The following REC114 variants were observed in gnomAD, a reference collection of about 807,000 sequenced individuals.
REC114 encodes the protein meiotic recombination protein REC114.
Under a neutral mutation model 31.3 loss-of-function variants are expected in REC114, and 27 were observed. That is an observed-to-expected ratio of 0.86 (90% confidence interval 0.64 to 1.19). REC114 has a LOEUF of 1.19. REC114 is among the 50% of genes most tolerant of loss of function. REC114 has a pLI of 0.00. For missense variants in REC114, 344 were observed against 326.9 expected (o/e 1.05, Z -0.40); for synonymous variants, 134 against 127.7 (o/e 1.05, Z -0.33).
At chr15:73,504,195 C>T (rs919895749) in intron 2 of REC114, among the ~76,000 whole-genome samples, 15 of 151,654 alleles carry the variant, frequency 9.9e-5, no homozygotes, top group African/African-American at 3.6e-4. Flanking sequence ...TTAGTAGAGA[C>T]GGGGTTTCAC....
At chr15:73,546,953 A>T (rs1894317765) in intron 3 of REC114, among the ~76,000 whole-genome samples, 1 of 152,156 alleles carries the variant, frequency 6.6e-6, no homozygotes, top group African/African-American at 2.4e-5. Context: ...TCAAACTATG[A>T]AAACTACTAC....
At chr15:73,481,690 ACT>A (rs1420161589) in intron 2 of REC114, among the ~76,000 whole-genome samples, 283 of 114,186 alleles carry the variant, frequency 2.5e-3, no homozygotes, top group African/African-American at 9.4e-3. Context: ...GCGGAGTCTC[ACT>A]CTGTCGCCTA....
intron 2 of REC114, among the ~76,000 whole-genome samples, chr15:73,534,019 C>G (rs1397125413): frequency 8.1e-6 from 1 of 124,148 alleles, no homozygotes; most frequent in Non-Finnish European, 1.7e-5. Flanking sequence ...ACCAGAATCT[C>G]TGGGACGCAT....
At chr15:73,506,979 G>A (rs1305967127) in intron 2 of REC114, among the ~76,000 whole-genome samples, 1 of 152,000 alleles carries the variant, frequency 6.6e-6, no homozygotes, top group East Asian at 1.9e-4. Flanking sequence ...AAATAAGATA[G>A]AAATGCTCAG....
At chr15:73,516,284 C>T (rs1353139438) in intron 2 of REC114, among the ~76,000 whole-genome samples, 11 of 152,088 alleles carry the variant, frequency 7.2e-5, no homozygotes, top group Non-Finnish European at 1.5e-4. Flanking sequence ...CCTTGCCTGG[C>T]CTCTAGCTTT....
rs537417529 is a variant in REC114, at chr15:73,516,237, C to T, written c.250-24248C>T. Among the ~76,000 whole-genome samples, 14 of 152,146 alleles carry T rather than the reference C, an allele frequency of 9.2e-5. No homozygotes were observed. In the South Asian group the frequency reaches 1.5e-3, roughly 16 times the overall value. On this transcript the variant is annotated intron_variant, in intron 2 of 5. Transcript: ENST00000331090. ...CTGACCTCAGGTGATCTGCCCGCCT[C>T]GGCCTCCCAAAGTGCTGGAATTATA...
chr15:73,559,839 C>G lies in REC114; in HGVS notation c.724C>G (p.Leu242Val), dbSNP rs1566952227. Residue 242 changes from leucine to valine, a missense_variant, in exon 6 of 6, where the codon CTT (leucine) becomes GTT (valine). Leu to Val is a conservative substitution (Grantham distance 32). Coordinates refer to ENST00000331090, the MANE Select transcript of REC114 (RefSeq NM_001042367.2). ...EELGPFLRLCLMDQNFPAFVE... is the reference protein window; with the variant it reads ...EELGPFLRLCVMDQNFPAFVE... ...GTTAGGCCCCTTCCTACGTTTGTGCCTTATGGATCAGAATTTCCCAGCATT... is the reference window on the plus strand; with the variant it reads ...GTTAGGCCCCTTCCTACGTTTGTGCGTTATGGATCAGAATTTCCCAGCATT... 1.2e-6 allele frequency: 2 copies of G among 1,612,476 alleles called. No homozygotes were observed. The highest frequency in any genetic ancestry group is 1.7e-6 in the Non-Finnish European group (2 of 1,179,354).
chr15:73,479,685 T>G (rs1329945309), intron 2 of REC114, among the ~76,000 whole-genome samples: 1 of 152,182 alleles, frequency 6.6e-6, no homozygotes, highest in Non-Finnish European at 1.5e-5. Flanking sequence ...CATGTAATTT[T>G]TGTGTGTGTC....
At chr15:73,516,446 T>G (rs944770123) in intron 2 of REC114, among the ~76,000 whole-genome samples, 1 of 151,778 alleles carries the variant, frequency 6.6e-6, no homozygotes, top group African/African-American at 2.4e-5. Flanking sequence ...CACACAGAGT[T>G]AAATGGTAAA....
In REC114 at chr15:73,501,094, A is replaced by G. The variant is rs1460571784; in HGVS notation, c.249+27173A>G. On this transcript the variant is annotated intron_variant, in intron 2 of 5. Coordinates refer to ENST00000331090, the MANE Select transcript of REC114 (RefSeq NM_001042367.2). ...GTATGTGAGAATTTAAGGCATATCC[A>G]TTAAGCCATTTTTAGTACCTAGATA... Among the ~76,000 whole-genome samples the G allele has an allele frequency of 2.0e-5, 3 of 152,222 alleles. No homozygotes were observed. The South Asian group carries it at 6.2e-4, about 31-fold the overall frequency.
chr15:73,500,353 A>C (rs1893587096), intron 2 of REC114, among the ~76,000 whole-genome samples: 1 of 7,544 alleles, frequency 1.3e-4, no homozygotes, highest in African/African-American at 1.4e-4. Flanking sequence ...CAGAAATAGC[A>C]AAAAAAAAAA....
intron 1 of REC114, among the ~76,000 whole-genome samples, chr15:73,466,574 A>G (rs536668914): frequency 6.6e-6 from 1 of 152,292 alleles, no homozygotes; most frequent in African/African-American, 2.4e-5. Context: ...AACAACAACA[A>G]CAAAAACCTA....
chr15:73,532,629 C>T (rs1438672400), intron 2 of REC114, among the ~76,000 whole-genome samples: 2 of 152,120 alleles, frequency 1.3e-5, no homozygotes, highest in Admixed American at 1.3e-4. Context: ...TATTTCTCCA[C>T]ATCCTCTCCA....
intron 5 of REC114, 117 bp from the exon 6 acceptor site, chr15:73,559,635 T>A: frequency 1.2e-6 from 1 of 862,096 alleles, no homozygotes; most frequent in East Asian, 2.9e-5. Flanking sequence ...TAATTAACAC[T>A]AATTTTTTTG....
intron 2 of REC114, among the ~76,000 whole-genome samples, chr15:73,491,624 G>A (rs1308242148): frequency 6.6e-6 from 1 of 152,234 alleles, no homozygotes; most frequent in Non-Finnish European, 1.5e-5. Context: ...TCAGCCAGAT[G>A]CAATGGCTCA....
At chr15:73,479,550 G>A (rs1403101534) in intron 2 of REC114, among the ~76,000 whole-genome samples, 2 of 151,936 alleles carry the variant, frequency 1.3e-5, no homozygotes, top group African/African-American at 2.4e-5. Flanking sequence ...CTATATAACT[G>A]AAGCTTCATA....
chr15:73,471,223 A>G (rs1427752599), intron 1 of REC114, among the ~76,000 whole-genome samples: 1 of 152,198 alleles, frequency 6.6e-6, no homozygotes, highest in Non-Finnish European at 1.5e-5. Context: ...AGAGAATGAT[A>G]ATTTAGACAA....
intron 1 of REC114, among the ~76,000 whole-genome samples, chr15:73,446,639 C>CAA (rs56412813): frequency 7.0e-4 from 83 of 119,420 alleles, no homozygotes; most frequent in African/African-American, 2.4e-3. Context: ...GACTCTGTCT[C>CAA]AAAAAAAAAA....
At chr15:73,531,059 G>A (rs993779408) in intron 2 of REC114, among the ~76,000 whole-genome samples, 1 of 152,078 alleles carries the variant, frequency 6.6e-6, no homozygotes, top group Non-Finnish European at 1.5e-5. Context: ...ATAAAATGCT[G>A]TTTTCTTCAA....
Sources: gnomAD v4.1 joint callset for allele counts (sites outside exome capture counted in the v4.1 genomes callset) on GRCh38, gnomAD v4.1.1 for gene constraint, MANE v1.5 for transcripts, NCBI Gene and HGNC (gene_info 2026-07-23, HGNC 2026-07-21) for gene names.